Variants in CD96 observed in about 807,000 individuals in gnomAD.
CD96 encodes T-cell surface protein tactile.
A neutral mutation model predicts 71.3 loss-of-function variants in CD96; 70 were observed. The ratio of observed to expected loss-of-function variants is 0.98; its 90% CI spans 0.81 to 1.20. The LOEUF is 1.20. Ranked by LOEUF, CD96 falls within the 50% of genes most tolerant of loss-of-function variation. CD96 has a pLI of 0.00. For synonymous variants in CD96, 248 were observed against 233.0 expected (o/e 1.06, Z -0.59); for missense variants, 742 against 677.5 (o/e 1.10, Z -1.06).
chr3:111,580,767 G>A (rs1319181182), intron 4 of CD96, among the ~76,000 whole-genome samples: 1 of 152,038 alleles, frequency 6.6e-6, no homozygotes, highest in East Asian at 1.9e-4. Flanking sequence ...TCCTTACGGA[G>A]CCTAAACAGT....
chr3:111,578,502 G>A (rs1162818817), intron 3 of CD96, among the ~76,000 whole-genome samples: 1 of 152,198 alleles, frequency 6.6e-6, no homozygotes, highest in East Asian at 1.9e-4. Context: ...TCACTGTTGG[G>A]TGTCAACATT....
chr3:111,550,928 A>G (rs1172574140), intron 2 of CD96, among the ~76,000 whole-genome samples: 3 of 152,194 alleles, frequency 2.0e-5, no homozygotes, highest in East Asian at 1.9e-4. Flanking sequence ...TAAAAAGTAC[A>G]TAGTGCCACA....
intron 12 of CD96, among the ~76,000 whole-genome samples, chr3:111,641,004 C>G (rs951828376): frequency 6.6e-6 from 1 of 152,170 alleles, no homozygotes; most frequent in African/African-American, 2.4e-5. Flanking sequence ...TGAAACAAAT[C>G]CTGGAAACAC....
At chr3:111,609,751 G>A (rs73230114) in intron 8 of CD96, among the ~76,000 whole-genome samples, 14,754 of 152,242 alleles carry the variant, frequency 0.097, 958 homozygotes, top group Non-Finnish European at 0.14. Flanking sequence ...AGACGATGTA[G>A]TTGGGAAGTC....
chr3:111,608,465 C>T (rs1200629709), intron 8 of CD96, among the ~76,000 whole-genome samples: 1 of 152,210 alleles, frequency 6.6e-6, no homozygotes, highest in African/African-American at 2.4e-5. Context: ...TTAGAAGTGT[C>T]TGTAAATAAA....
At position 111,619,617 on chromosome 3, in the gene CD96, T is replaced by C. The variant is rs1033327044; in HGVS notation, c.1181-4137T>C. ...ATTGAATATTGAAGAGATTTTGCTA[T>C]GTTGTGAAATATAAACTTAGCCTTA... On this transcript the variant is annotated intron_variant, in intron 8 of 13. Coordinates refer to ENST00000352690, the MANE Select transcript of CD96 (RefSeq NM_005816.5). Among the ~76,000 whole-genome samples the C allele has an allele frequency of 2.0e-5, 3 of 152,268 alleles. No homozygotes were observed. The East Asian group carries it at 5.8e-4, about 29-fold the overall frequency.
intron 5 of CD96, chr3:111,595,555 A>G (rs902010847): frequency 6.6e-6 from 1 of 152,080 alleles, no homozygotes. Context: ...TGTTCCTGGC[A>G]TATGTCATGC....
chr3:111,649,982 G>A lies in CD96; in HGVS notation c.*176G>A, dbSNP rs541523297. 1.5e-6 allele frequency: 1 copy of A among 652,234 alleles called. No individual in the cohort carries two copies. Among genetic ancestry groups the A allele is most frequent in the Non-Finnish European group, 2.8e-6 (1 of 355,636 alleles). 40.4% of individuals were successfully genotyped at this position (652,234 alleles called of 1,614,324 possible). On this transcript the variant is annotated 3_prime_UTR_variant, in exon 14 of 14. Coordinates refer to ENST00000352690, the MANE Select transcript of CD96 (RefSeq NM_005816.5). ...CACCCTCTTCCATCTCCAAACGCCT[G>A]AAGCTTAACCAAGAGTGAGAGGATA... is the stretch of plus-strand genomic sequence containing the variant.
intron 8 of CD96, among the ~76,000 whole-genome samples, chr3:111,621,823 G>C (rs956580577): frequency 6.6e-6 from 1 of 152,146 alleles, no homozygotes; most frequent in Non-Finnish European, 1.5e-5. Context: ...CAGCCAATGG[G>C]AAAATCCTCA....
chr3:111,662,332 C>A (rs111801217), intron 14 of CD96, among the ~76,000 whole-genome samples: 15 of 152,234 alleles, frequency 9.9e-5, no homozygotes, highest in Non-Finnish European at 2.1e-4. Flanking sequence ...GCCTTGGAGG[C>A]ATTTTCCCCA....
chr3:111,570,758 C>A, intron 3 of CD96: 1 of 1,613,624 alleles, frequency 6.2e-7, no homozygotes, highest in Non-Finnish European at 8.5e-7. Context: ...CCTCCTCCCC[C>A]TCCTCATCCT....
intron 12 of CD96, among the ~76,000 whole-genome samples, chr3:111,639,404 A>C (rs1939490851): frequency 6.6e-6 from 1 of 152,170 alleles, no homozygotes; most frequent in South Asian, 2.1e-4. Context: ...AAAGGCAGTC[A>C]TAATTCTCCT....
Position 111,624,320 on chromosome 3 carries a change from T to A in CD96, c.1250-13T>A, listed in dbSNP as rs370809674. 1.4e-5 allele frequency: 22 copies of A among 1,588,456 alleles called. No homozygotes were observed. Among genetic ancestry groups the A allele is most frequent in the Non-Finnish European group, 1.8e-5 (21 of 1,156,816 alleles). ...GAAAAAAGCTGGATTCTGAAAATAA[T>A]TTTGTCTTTCAGCCAGCAATTCCAG... On this transcript the variant is annotated splice_polypyrimidine_tract_variant and intron_variant, in intron 9 of 13. Transcript: ENST00000352690.
intron 10 of CD96, among the ~76,000 whole-genome samples, chr3:111,628,815 T>C (rs1023137841): frequency 6.6e-6 from 1 of 152,168 alleles, no homozygotes; most frequent in Non-Finnish European, 1.5e-5. Context: ...ACAGTGGACC[T>C]CTCAGCAGAA....
intron 12 of CD96, among the ~76,000 whole-genome samples, chr3:111,646,522 A>G (rs1480513231): frequency 2.0e-5 from 3 of 151,600 alleles, no homozygotes; most frequent in Non-Finnish European, 4.4e-5. Flanking sequence ...ATAAGTTAGA[A>G]TGGCTATTAC....
chr3:111,546,554 T>C (rs1340659893), intron 2 of CD96, among the ~76,000 whole-genome samples: 1 of 152,156 alleles, frequency 6.6e-6, no homozygotes, highest in Non-Finnish European at 1.5e-5. Flanking sequence ...TGCCCTAAAT[T>C]ACCTGGTCCT....
intron 3 of CD96, among the ~76,000 whole-genome samples, chr3:111,569,397 T>G (rs1935870242): frequency 6.6e-6 from 1 of 152,232 alleles, no homozygotes; most frequent in Non-Finnish European, 1.5e-5. Flanking sequence ...TAAGTCTTCC[T>G]GGACAGTAGG....
chr3:111,556,185 T>G (rs539993556), intron 2 of CD96, among the ~76,000 whole-genome samples: 67 of 152,406 alleles, frequency 4.4e-4, no homozygotes, highest in South Asian at 1.7e-3. Context: ...TTTAATACTT[T>G]GAATAGACTA....
chr3:111,574,094 A>G (rs550170933), intron 3 of CD96, among the ~76,000 whole-genome samples: 6 of 152,270 alleles, frequency 3.9e-5, no homozygotes, highest in African/African-American at 1.4e-4. Context: ...AGGAGTAGCA[A>G]TCAATACAGT....
Sources: allele counts gnomAD v4.1 joint callset (sites outside exome capture counted in the v4.1 genomes callset), GRCh38; gene constraint gnomAD v4.1.1; transcripts MANE v1.5; gene names NCBI Gene and HGNC (gene_info 2026-07-23, HGNC 2026-07-21).